Variants in IGF1R observed in about 807,000 individuals in gnomAD.
The protein encoded by IGF1R is insulin-like growth factor 1 receptor.
A neutral mutation model predicts 144.6 loss-of-function variants in IGF1R; 44 were observed. The observed-to-expected ratio is 0.30, with a 90% CI of 0.24 to 0.39. IGF1R has a LOEUF of 0.39. Among genes scored for constraint, IGF1R ranks in the 10% least tolerant of loss-of-function variants. IGF1R has a pLI of 1.00. For missense variants in IGF1R, 1,355 were observed against 1,833.7 expected (o/e 0.74, Z 4.77); for synonymous variants, 795 against 722.8 (o/e 1.10, Z -1.60).
At chr15:98,649,851 C>T (rs1350353436) in intron 1 of IGF1R, among the ~76,000 whole-genome samples, 176 bp downstream of exon 1, 1 of 152,130 alleles carries the variant, frequency 6.6e-6, no homozygotes, top group Non-Finnish European at 1.5e-5. Context: ...GACCCGGGAC[C>T]CGGGCTCGTT....
rs2052425200 is a variant in IGF1R, at chr15:98,653,844, A to C, written c.94+4169A>C. On this transcript the variant is annotated intron_variant, in intron 1 of 20. Coordinates refer to ENST00000650285, the MANE Select transcript of IGF1R (RefSeq NM_000875.5). ...CTGTATCATTTTCACTTGTTGCCTT[A>C]GAGTTTTTGCCAAGAGGAACCCTCA... Among the ~76,000 whole-genome samples the C allele has an allele frequency of 2.6e-5, 4 of 152,236 alleles. No individual in the cohort carries two copies. The South Asian group carries it at 8.3e-4, about 31-fold the overall frequency.
chr15:98,851,109 C>T (rs143328173), intron 2 of IGF1R, among the ~76,000 whole-genome samples: 2 of 152,250 alleles, frequency 1.3e-5, no homozygotes, highest in South Asian at 4.1e-4. Context: ...AGTGGCCTCT[C>T]CCGGGCAGGC....
chr15:98,809,868 G>A (rs1460885939), intron 2 of IGF1R, among the ~76,000 whole-genome samples: 1 of 152,096 alleles, frequency 6.6e-6, no homozygotes, highest in African/African-American at 2.4e-5. Context: ...GTGTTCTGAT[G>A]ATAGAATGAA....
At chr15:98,938,949 A>G (rs763536949) in intron 17 of IGF1R, among the ~76,000 whole-genome samples, 15 of 152,200 alleles carry the variant, frequency 9.9e-5, no homozygotes, top group Non-Finnish European at 2.1e-4. Context: ...TGTTGGTCCT[A>G]AAGAGTGCAA....
intron 15 of IGF1R, among the ~76,000 whole-genome samples, chr15:98,933,623 G>C (rs763024081): frequency 6.6e-6 from 1 of 152,208 alleles, no homozygotes. Flanking sequence ...ACCGCACACG[G>C]CCCATTTATT....
At chr15:98,807,057 G>T (rs1404204552) in intron 2 of IGF1R, among the ~76,000 whole-genome samples, 1 of 152,048 alleles carries the variant, frequency 6.6e-6, no homozygotes, top group Non-Finnish European at 1.5e-5. Context: ...TGTTCTTTAG[G>T]TGTTGAAATT....
At chr15:98,848,788 A>T (rs1361781498) in intron 2 of IGF1R, among the ~76,000 whole-genome samples, 1 of 152,228 alleles carries the variant, frequency 6.6e-6, no homozygotes. Context: ...CAGAAATAAC[A>T]TACAAATTTA....
intron 1 of IGF1R, among the ~76,000 whole-genome samples, chr15:98,671,919 A>G (rs1036149010): frequency 6.6e-6 from 1 of 152,172 alleles, no homozygotes; most frequent in Non-Finnish European, 1.5e-5. Flanking sequence ...TTTTGTTTGG[A>G]CAGGCAAGTA....
chr15:98,790,769 G>A (rs765602500), intron 2 of IGF1R, among the ~76,000 whole-genome samples: 1 of 152,190 alleles, frequency 6.6e-6, no homozygotes, highest in African/African-American at 2.4e-5. Flanking sequence ...ACAAAATTTA[G>A]TTTTCTTTCT....
chr15:98,895,410 TA>T (rs199564826), intron 3 of IGF1R, among the ~76,000 whole-genome samples: 3 of 138,026 alleles, frequency 2.2e-5, no homozygotes, highest in Admixed American at 7.7e-5. Flanking sequence ...TATTTTAAAA[TA>T]AAATTTTTTT....
intron 15 of IGF1R, among the ~76,000 whole-genome samples, chr15:98,931,525 A>C (rs192104165): frequency 5.0e-4 from 76 of 152,352 alleles, no homozygotes; most frequent in Non-Finnish European, 1.8e-4. Flanking sequence ...AATCAGGTGC[A>C]GAATAATGAC....
At chr15:98,931,030 A>T (rs2015920540) in intron 15 of IGF1R, among the ~76,000 whole-genome samples, 1 of 152,204 alleles carries the variant, frequency 6.6e-6, no homozygotes, top group South Asian at 2.1e-4. Flanking sequence ...TACAAACACC[A>T]TCCCATTTGT....
chr15:98,945,286 C>T (rs765814748), intron 19 of IGF1R, among the ~76,000 whole-genome samples: 5 of 152,244 alleles, frequency 3.3e-5, no homozygotes, highest in Non-Finnish European at 7.3e-5. Flanking sequence ...TAATTACCAT[C>T]TGTGGGGAAT....
At chr15:98,665,342 T>A (rs901647371) in intron 1 of IGF1R, among the ~76,000 whole-genome samples, 7 of 152,208 alleles carry the variant, frequency 4.6e-5, no homozygotes, top group African/African-American at 1.7e-4. Context: ...CCTGTCTCCC[T>A]CCTGACTCTG....
chr15:98,881,865 G>A (rs1345941331), intron 2 of IGF1R, among the ~76,000 whole-genome samples: 1 of 152,184 alleles, frequency 6.6e-6, no homozygotes. Context: ...TGCTTAATGT[G>A]TTGTAAGGCG....
At chr15:98,916,559 G>GCC (rs2015259842) in intron 9 of IGF1R, 113 bp from the exon 10 acceptor site, 3 of 983,548 alleles carry the variant, frequency 3.1e-6, no homozygotes, top group Non-Finnish European at 4.8e-6. Context: ...ACCACATCTG[G>GCC]CCGAGACCAG....
chr15:98,749,194 T>C (rs73475636), intron 2 of IGF1R, among the ~76,000 whole-genome samples: 2,207 of 152,248 alleles, frequency 0.014, 50 homozygotes, highest in African/African-American at 0.05. Flanking sequence ...AGAATAAATC[T>C]TTTTATTACG....
chr15:98,883,246 A>T (rs952146285), intron 2 of IGF1R, among the ~76,000 whole-genome samples: 1 of 152,246 alleles, frequency 6.6e-6, no homozygotes, highest in African/African-American at 2.4e-5. Flanking sequence ...CTCCAGGCAG[A>T]AACCTGTTTG....
rs2013934477 is a variant in IGF1R, at chr15:98,891,743, G to A, written c.953+106G>A. 4 of 1,102,752 alleles carry A rather than the reference G, an allele frequency of 3.6e-6. No individual in the cohort carries two copies. The highest frequency in any genetic ancestry group is 5.3e-6 in the Non-Finnish European group (4 of 754,080). The allele number at this position is 1,102,752 out of a possible 1,614,324, so 68.3% of individuals were successfully genotyped here. On this transcript the variant is annotated intron_variant, in intron 3 of 20. Coordinates refer to ENST00000650285, the MANE Select transcript of IGF1R (RefSeq NM_000875.5). This position sits in a 1 kb window ranked among gnomAD's most constrained non-coding sequence, Gnocchi z 4.7. ...TGTTTCATCCGGGTGCAGCCCTCAG[G>A]AAGTTCACTGAGGTGGGTCATTTTG...
Sources: gnomAD v4.1 joint callset for allele counts (sites outside exome capture counted in the v4.1 genomes callset) on GRCh38, gnomAD v4.1.1 for gene constraint, Gnocchi (gnomAD v3.1) non-coding constraint, MANE v1.5 for transcripts, NCBI Gene and HGNC (gene_info 2026-07-23, HGNC 2026-07-21) for gene names.